Variants in COL8A1 observed in about 807,000 individuals in gnomAD.
The protein encoded by COL8A1 is collagen alpha-1(VIII) chain.
A neutral mutation model predicts 42.7 loss-of-function variants in COL8A1; 21 were observed. The ratio of observed to expected loss-of-function variants is 0.49; its 90% CI spans 0.35 to 0.71. COL8A1 has a LOEUF of 0.71. COL8A1 is among the 30% of genes least tolerant of loss of function. COL8A1 has a pLI of 0.01. For synonymous variants in COL8A1, 367 were observed against 369.1 expected (o/e 0.99, Z 0.06); for missense variants, 788 against 962.4 (o/e 0.82, Z 2.40).
intron 2 of COL8A1, among the ~76,000 whole-genome samples, chr3:99,755,403 G>A (rs1232929550): frequency 1.3e-5 from 2 of 152,166 alleles, no homozygotes; most frequent in Non-Finnish European, 2.9e-5. Flanking sequence ...ACCAATATGT[G>A]TTGAGAATCT....
At chr3:99,778,437 G>T (rs1016880134) in intron 2 of COL8A1, among the ~76,000 whole-genome samples, 5 of 152,144 alleles carry the variant, frequency 3.3e-5, no homozygotes, top group African/African-American at 1.2e-4. Context: ...TATTCAGACT[G>T]GAGATTTAGA....
chr3:99,758,384 G>A (rs1318126428), intron 2 of COL8A1, among the ~76,000 whole-genome samples: 1 of 152,136 alleles, frequency 6.6e-6, no homozygotes, highest in East Asian at 1.9e-4. Context: ...TTAGCCCTGA[G>A]GAGTTCAGGA....
intron 1 of COL8A1, among the ~76,000 whole-genome samples, chr3:99,645,250 T>C (rs1471954285): frequency 3.3e-5 from 5 of 152,156 alleles, no homozygotes; most frequent in African/African-American, 9.7e-5. Flanking sequence ...GGAGTCATGG[T>C]GTTCATCAAT....
At chr3:99,723,003 T>TTTG (rs1553676568) in intron 1 of COL8A1, among the ~76,000 whole-genome samples, 2 of 147,078 alleles carry the variant, frequency 1.4e-5, no homozygotes, top group African/African-American at 5.0e-5. Context: ...GAGACCAAAG[T>TTTG]TGTGTGTGTG....
intron 2 of COL8A1, among the ~76,000 whole-genome samples, chr3:99,764,701 CT>C (rs10648559): frequency 1.6e-5 from 2 of 125,046 alleles, no homozygotes; most frequent in Non-Finnish European, 1.6e-5. Flanking sequence ...TCTTTTTTTT[CT>C]TTTTTTTTTT....
At chr3:99,662,558 G>A (rs1267635627) in intron 1 of COL8A1, among the ~76,000 whole-genome samples, 1 of 152,110 alleles carries the variant, frequency 6.6e-6, no homozygotes, top group African/African-American at 2.4e-5. Context: ...TCTATCTTTT[G>A]ACTTGAAAAG....
In COL8A1 at chr3:99,710,591, A is replaced by G. The variant is rs537631601; in HGVS notation, c.-128-34306A>G. On this transcript the variant is annotated intron_variant, in intron 1 of 3. Coordinates refer to ENST00000652472, the MANE Select transcript of COL8A1 (RefSeq NM_020351.4). ...TTTTCACAAACCTTCCATGAGTTTA[A>G]TCCACTTGGTCAGCTACTGTCAGGA... Among the ~76,000 whole-genome samples, 8 of 152,294 alleles carry G rather than the reference A, an allele frequency of 5.3e-5. No individual in the cohort carries two copies. The South Asian group carries it at 1.5e-3, about 28-fold the overall frequency.
At chr3:99,755,872 G>GA (rs1428078304) in intron 2 of COL8A1, among the ~76,000 whole-genome samples, 1 of 152,128 alleles carries the variant, frequency 6.6e-6, no homozygotes, top group East Asian at 1.9e-4. Flanking sequence ...GTGGAGGGGA[G>GA]TTCAGAGTTT....
chr3:99,672,385 C>T (rs1386938271), intron 1 of COL8A1, among the ~76,000 whole-genome samples: 2 of 151,714 alleles, frequency 1.3e-5, no homozygotes, highest in African/African-American at 2.4e-5. Flanking sequence ...TCTAACTTCT[C>T]CTGTATTTTC....
chr3:99,649,543 A>C (rs1284163994), intron 1 of COL8A1, among the ~76,000 whole-genome samples: 1 of 152,158 alleles, frequency 6.6e-6, no homozygotes, highest in Non-Finnish European at 1.5e-5. Context: ...ATATGGTAGA[A>C]ACTCCTTTCC....
intron 1 of COL8A1, among the ~76,000 whole-genome samples, chr3:99,718,435 C>T (rs1940061505): frequency 6.6e-6 from 1 of 151,974 alleles, no homozygotes; most frequent in Non-Finnish European, 1.5e-5. Flanking sequence ...TGGGAATCCT[C>T]AATGCTAATA....
In COL8A1 at chr3:99,795,494, T is replaced by G. The variant is rs757284986; in HGVS notation, c.1593T>G (p.Gly531=). ...PGLPGPPGFP[G]IGKPGVAGLH... is the part of the protein sequence containing the mutation. Reference sequence around the variant, plus strand: ...TCCCAGGGCCCCCTGGGTTCCCTGGTATAGGGAAACCCGGAGTGGCAGGAC... The same window carrying G: ...TCCCAGGGCCCCCTGGGTTCCCTGGGATAGGGAAACCCGGAGTGGCAGGAC... The change falls in exon 4 of 4, where the codon GGT becomes GGG. Residue 531 remains glycine, a synonymous_variant. Coordinates refer to ENST00000652472, the MANE Select transcript of COL8A1 (RefSeq NM_020351.4). 3.8e-6 allele frequency: 6 copies of G among 1,574,688 alleles called. No individual in the cohort carries two copies. The South Asian group carries it at 6.9e-5, about 18-fold the overall frequency.
intron 2 of COL8A1, among the ~76,000 whole-genome samples, chr3:99,763,150 G>C (rs1941395949): frequency 6.6e-6 from 1 of 152,128 alleles, no homozygotes; most frequent in East Asian, 1.9e-4. Context: ...TCCTGCCCCA[G>C]TTTCCAATGG....
At chr3:99,729,513 T>G (rs937761578) in intron 1 of COL8A1, among the ~76,000 whole-genome samples, 3 of 152,000 alleles carry the variant, frequency 2.0e-5, no homozygotes, top group African/African-American at 7.2e-5. Context: ...CATAATGTAC[T>G]CAAAAGAAAG....
intron 1 of COL8A1, among the ~76,000 whole-genome samples, chr3:99,675,086 T>C (rs1396792508): frequency 6.6e-6 from 1 of 151,990 alleles, no homozygotes; most frequent in East Asian, 1.9e-4. Context: ...GTTTGGTTAT[T>C]TCTGATTTTC....
In COL8A1 at chr3:99,702,047, A is replaced by G. The variant is rs191417612; in HGVS notation, c.-128-42850A>G. Among the ~76,000 whole-genome samples, 6 of 152,276 alleles carry G rather than the reference A, an allele frequency of 3.9e-5. No homozygotes were observed. In the South Asian group the frequency reaches 8.3e-4, roughly 21 times the overall value. On this transcript the variant is annotated intron_variant, in intron 1 of 3. Coordinates refer to ENST00000652472, the MANE Select transcript of COL8A1 (RefSeq NM_020351.4). ...AACCTAAGAAGTTGTCTCCTTCGTA[A>G]TGTTATTTAAAAGGCAATAGAAAGA...
intron 1 of COL8A1, among the ~76,000 whole-genome samples, chr3:99,683,646 G>A (rs1235471159): frequency 1.3e-5 from 2 of 151,894 alleles, no homozygotes; most frequent in East Asian, 3.9e-4. Context: ...TGGGAAGCAG[G>A]TGGATAGGAC....
chr3:99,763,829 G>A (rs1010356144), intron 2 of COL8A1, among the ~76,000 whole-genome samples: 6 of 151,948 alleles, frequency 3.9e-5, no homozygotes, highest in African/African-American at 1.5e-4. Context: ...CCATGCATTT[G>A]ACCCCAGTAG....
At chr3:99,694,934 TA>T (rs1227828959) in intron 1 of COL8A1, among the ~76,000 whole-genome samples, 1 of 152,160 alleles carries the variant, frequency 6.6e-6, no homozygotes, top group African/African-American at 2.4e-5. Context: ...TAAACTCTTA[TA>T]AAAGACAGAT....
Sources: gnomAD v4.1 joint callset for allele counts (sites outside exome capture counted in the v4.1 genomes callset) on GRCh38, gnomAD v4.1.1 for gene constraint, MANE v1.5 for transcripts, NCBI Gene and HGNC (gene_info 2026-07-23, HGNC 2026-07-21) for gene names.